SLC7A2: variants seen among roughly 807,000 people sequenced by gnomAD.
SLC7A2 encodes solute carrier family 7 member 2.
In SLC7A2, 48 loss-of-function variants were observed where a neutral mutation model predicts 58.9. The observed-to-expected ratio is 0.82, with a 90% confidence interval of 0.65 to 1.04. SLC7A2 has a LOEUF of 1.04. SLC7A2 is among the 50% of genes least tolerant of loss of function. The probability of loss-of-function intolerance (pLI) is 0.00; values close to 1 mark genes in which losing one functional copy is unlikely to be tolerated. For synonymous variants in SLC7A2, 363 were observed against 314.5 expected (o/e 1.15, Z -1.63); for missense variants, 1,029 against 818.8 (o/e 1.26, Z -3.13).
chr8:17,537,025 C>G (rs937955437), intron 2 of SLC7A2, among the ~76,000 whole-genome samples: 1 of 152,178 alleles, frequency 6.6e-6, no homozygotes, highest in African/African-American at 2.4e-5. Flanking sequence ...ACAAGACTGT[C>G]CTCCTCTGAA....
intron 2 of SLC7A2, among the ~76,000 whole-genome samples, chr8:17,533,505 A>G (rs1440245745): frequency 6.6e-6 from 1 of 152,220 alleles, no homozygotes; most frequent in Non-Finnish European, 1.5e-5. Flanking sequence ...AATTCTAACA[A>G]TTAATTAAAT....
intron 2 of SLC7A2, among the ~76,000 whole-genome samples, chr8:17,504,731 C>T (rs1195719334): frequency 6.6e-6 from 1 of 152,096 alleles, no homozygotes; most frequent in Non-Finnish European, 1.5e-5. Context: ...AACTTAAGCG[C>T]CATACTGTTT....
chr8:17,550,214 C>T (rs1405050656), intron 5 of SLC7A2, 87 bp from the exon 6 acceptor site: 1 of 1,258,814 alleles, frequency 7.9e-7, no homozygotes, highest in African/African-American at 1.5e-5. Flanking sequence ...AACACAACCA[C>T]CTTCCAAGGA....
At chr8:17,507,980 T>C (rs1800441875) in intron 2 of SLC7A2, among the ~76,000 whole-genome samples, 1 of 152,256 alleles carries the variant, frequency 6.6e-6, no homozygotes, top group Middle Eastern at 3.4e-3. Flanking sequence ...AATGGGAAAA[T>C]ATAGTCTTAA....
chr8:17,554,666 A>G lies in SLC7A2; in HGVS notation c.1162A>G (p.Ile388Val), dbSNP rs1134966. The change falls in exon 8 of 13, where the codon ATA becomes GTA. Residue 388 changes from isoleucine (I) to valine (V), a missense_variant. Transcript: ENST00000494857. ...AQINSKTKTP[I>V]IATLSSGAVA... is the part of the protein sequence containing the mutation. ...AATCAATTCCAAAACGAAGACACCA[A>G]TAATTGCTACTTTATCATCGGGTGC... is the stretch of plus-strand genomic sequence containing the variant. 7 of 1,612,928 alleles carry G rather than the reference A, an allele frequency of 4.3e-6. No homozygotes were observed. In the African/African-American group the frequency reaches 8.0e-5, roughly 18 times the overall value.
At chr8:17,500,688 C>T (rs1800119181) in intron 1 of SLC7A2, 1 of 152,126 alleles carries the variant, frequency 6.6e-6, no homozygotes, top group Non-Finnish European at 1.5e-5. Flanking sequence ...GCTTGGGAAG[C>T]TGAGGCAGGA....
chr8:17,548,937 A>C, intron 5 of SLC7A2, 94 bp downstream of exon 5: 1 of 1,038,546 alleles, frequency 9.6e-7, no homozygotes, highest in South Asian at 1.6e-5. Context: ...TAATAAAGAC[A>C]TACCCATGAC....
At chr8:17,553,761 G>T (rs1293881058) in intron 7 of SLC7A2, among the ~76,000 whole-genome samples, 1 of 152,208 alleles carries the variant, frequency 6.6e-6, no homozygotes, top group Non-Finnish European at 1.5e-5. Context: ...CTGGGTGACA[G>T]AGTGAGTCCC....
At chr8:17,540,769 A>G (rs1801877082) in intron 2 of SLC7A2, among the ~76,000 whole-genome samples, 1 of 152,172 alleles carries the variant, frequency 6.6e-6, no homozygotes, top group Non-Finnish European at 1.5e-5. Flanking sequence ...TTTTCTTTAG[A>G]AATTTCACAA....
chr8:17,514,749 T>G (rs1232503750), intron 2 of SLC7A2, among the ~76,000 whole-genome samples: 1 of 152,182 alleles, frequency 6.6e-6, no homozygotes, highest in East Asian at 1.9e-4. Context: ...CTAAGCAGAT[T>G]CTACTTGTTC....
intron 2 of SLC7A2, among the ~76,000 whole-genome samples, chr8:17,529,838 A>G (rs1801370102): frequency 1.3e-5 from 2 of 152,234 alleles, no homozygotes; most frequent in Admixed American, 1.3e-4. Flanking sequence ...CGCCTGGCCC[A>G]GAGGGACATT....
At chr8:17,521,809 A>G (rs1801026553) in intron 2 of SLC7A2, among the ~76,000 whole-genome samples, 3 of 152,250 alleles carry the variant, frequency 2.0e-5, no homozygotes, top group Non-Finnish European at 1.5e-5. Context: ...TGCAAAAGGA[A>G]GAAATCAAAC....
At chr8:17,523,485 A>G (rs537677981) in intron 2 of SLC7A2, among the ~76,000 whole-genome samples, 2 of 152,344 alleles carry the variant, frequency 1.3e-5, no homozygotes, top group South Asian at 2.1e-4. Flanking sequence ...CTAATCTTCA[A>G]CAAAGCAAAC....
chr8:17,560,005 G>A (rs900153965), intron 9 of SLC7A2, among the ~76,000 whole-genome samples: 2 of 152,116 alleles, frequency 1.3e-5, no homozygotes, highest in Non-Finnish European at 2.9e-5. Context: ...TTCATGAACC[G>A]CATTTCCTTT....
At chr8:17,560,579 T>A (rs372474351) in intron 10 of SLC7A2, 46 bp downstream of exon 10, 9 of 1,477,866 alleles carry the variant, frequency 6.1e-6, no homozygotes, top group Admixed American at 1.7e-5. Context: ...AGAAGATGTG[T>A]GTGAGTAGAG....
chr8:17,562,180 ATTTTTTTTTTTTTT>A lies in SLC7A2; in HGVS notation c.1671+92_1671+105del, dbSNP rs200130071. 291 of 594,264 alleles carry A rather than the reference ATTTTTTTTTTTTTT, an allele frequency of 4.9e-4. 2 individuals are homozygous for A. The African/African-American group carries it at 4.9e-3, about 10-fold the overall frequency. The allele number at this position is 594,264 out of a possible 1,614,324, so 36.8% of individuals were successfully genotyped here. ...TCTCTGTATAATTAGTTTGGTAAGT[ATTTTTTTTTTTTTT>A]TTTTTTTTTTTTTTTTTTTTTGGAG... On this transcript the variant is annotated intron_variant, in intron 11 of 12. Transcript: ENST00000494857.
In SLC7A2 at chr8:17,567,244, G is replaced by A. The variant is rs1035576175; in HGVS notation, c.*2098G>A. The A allele has an allele frequency of 5.2e-5, 8 of 152,476 alleles. No individual in the cohort carries two copies. The highest frequency in any genetic ancestry group is 8.8e-5 in the Non-Finnish European group (6 of 68,038). 9.4% of individuals were successfully genotyped at this position (152,476 alleles called of 1,614,324 possible). A position where few individuals can be genotyped will look rare whatever the true frequency, so the allele number is the denominator to read the frequency against. ...TGTTGTCACAGTACGCTGAAAACCCGTTTGATTCTATACCCAATCAAGAAT... is the reference window on the plus strand; with the variant it reads ...TGTTGTCACAGTACGCTGAAAACCCATTTGATTCTATACCCAATCAAGAAT... On this transcript the variant is annotated 3_prime_UTR_variant, in exon 13 of 13. Transcript: ENST00000494857.
intron 4 of SLC7A2, among the ~76,000 whole-genome samples, chr8:17,544,886 G>A (rs1802091492): frequency 6.6e-6 from 1 of 152,194 alleles, no homozygotes; most frequent in Non-Finnish European, 1.5e-5. Context: ...ATCGTTAATT[G>A]CAGGTTTGCA....
At chr8:17,508,276 T>A (rs1396080880) in intron 2 of SLC7A2, among the ~76,000 whole-genome samples, 1 of 152,198 alleles carries the variant, frequency 6.6e-6, no homozygotes, top group South Asian at 2.1e-4. Flanking sequence ...GAATAACATA[T>A]TTACATTATT....
Sources: gnomAD v4.1 joint callset for allele counts (sites outside exome capture counted in the v4.1 genomes callset) on GRCh38, gnomAD v4.1.1 for gene constraint, MANE v1.5 for transcripts, NCBI Gene and HGNC (gene_info 2026-07-23, HGNC 2026-07-21) for gene names.